KCNB2: variants seen among roughly 807,000 people sequenced by gnomAD.
KCNB2 encodes delayed rectifier potassium channel protein.
Under a neutral mutation model 61.5 loss-of-function variants are expected in KCNB2, and 15 were observed. The observed-to-expected ratio is 0.24, with a 90% CI of 0.16 to 0.38. The LOEUF (loss-of-function observed/expected upper bound fraction) is 0.38, where lower values mean the gene tolerates loss of function less well. Among genes scored for constraint, KCNB2 ranks in the 10% least tolerant of loss-of-function variants. KCNB2 has a pLI of 1.00. For synonymous variants in KCNB2, 457 were observed against 446.0 expected, an observed-to-expected ratio of 1.02 and a Z score of -0.31; for missense variants, 828 against 1,125.2, an observed-to-expected ratio of 0.74 and a Z score of 3.78.
intron 2 of KCNB2, among the ~76,000 whole-genome samples, chr8:72,712,982 G>A (rs901516898): frequency 3.9e-5 from 6 of 152,334 alleles, no homozygotes; most frequent in Non-Finnish European, 7.3e-5. Context: ...CAATTCCAAC[G>A]GGCTTAACAA....
At chr8:72,629,405 CTT>C (rs1443160982) in intron 2 of KCNB2, among the ~76,000 whole-genome samples, 1 of 152,284 alleles carries the variant, frequency 6.6e-6, no homozygotes, top group East Asian at 1.9e-4. Flanking sequence ...CTCATTCTAT[CTT>C]TGTTTTACAC....
chr8:72,803,080 T>G (rs1563389751), intron 2 of KCNB2, among the ~76,000 whole-genome samples: 2 of 152,144 alleles, frequency 1.3e-5, no homozygotes, highest in Non-Finnish European at 2.9e-5. Flanking sequence ...CAACTGTAGC[T>G]CTGTGTCCAT....
intron 2 of KCNB2, among the ~76,000 whole-genome samples, chr8:72,670,992 A>G (rs910739992): frequency 6.6e-6 from 1 of 152,200 alleles, no homozygotes. Flanking sequence ...TGCCTCTCCC[A>G]TAGTGCTCAT....
intron 2 of KCNB2, among the ~76,000 whole-genome samples, chr8:72,851,432 G>A (rs981477993): frequency 5.3e-5 from 8 of 152,112 alleles, no homozygotes; most frequent in African/African-American, 1.7e-4. Flanking sequence ...ATAATTTGAG[G>A]TTCAAAATGA....
intron 2 of KCNB2, among the ~76,000 whole-genome samples, chr8:72,660,366 A>T (rs1264146737): frequency 6.6e-6 from 1 of 152,182 alleles, no homozygotes; most frequent in African/African-American, 2.4e-5. Context: ...GAGAGTCCTT[A>T]CCCCATCAGG....
At chr8:72,845,990 A>G (rs931425444) in intron 2 of KCNB2, among the ~76,000 whole-genome samples, 52 of 150,062 alleles carry the variant, frequency 3.5e-4, no homozygotes, top group African/African-American at 1.2e-3. Context: ...TGGGGTATGA[A>G]AAAAAAAAAA....
intron 2 of KCNB2, among the ~76,000 whole-genome samples, chr8:72,863,355 G>T (rs533002515): frequency 6.6e-6 from 1 of 152,214 alleles, no homozygotes; most frequent in South Asian, 2.1e-4. Context: ...CACAGCTTGA[G>T]CCTATCAAAA....
intron 2 of KCNB2, among the ~76,000 whole-genome samples, chr8:72,615,027 G>T (rs1040431586): frequency 1.3e-5 from 2 of 152,286 alleles, no homozygotes; most frequent in Admixed American, 1.3e-4. Flanking sequence ...CATGAGGAGA[G>T]CCAAACCTCC....
intron 2 of KCNB2, among the ~76,000 whole-genome samples, chr8:72,631,545 C>T (rs1400178770): frequency 6.6e-6 from 1 of 152,180 alleles, no homozygotes. Flanking sequence ...CTAATGACCT[C>T]ATTTTAGCTT....
At chr8:72,637,123 C>G (rs1217481654) in intron 2 of KCNB2, among the ~76,000 whole-genome samples, 2 of 152,058 alleles carry the variant, frequency 1.3e-5, no homozygotes, top group African/African-American at 4.8e-5. Context: ...GAGGCTAAAG[C>G]CCCCCTGCCA....
At chr8:72,748,611 TG>T (rs144513732) in intron 2 of KCNB2, among the ~76,000 whole-genome samples, 67,389 of 141,048 alleles carry the variant, frequency 0.48, 16,286 homozygotes, top group Middle Eastern at 0.59. Flanking sequence ...TTTTTTTTGT[TG>T]TTTTTTTTTT....
chr8:72,815,777 A>G (rs967525213), intron 2 of KCNB2, among the ~76,000 whole-genome samples: 3 of 152,126 alleles, frequency 2.0e-5, no homozygotes, highest in Non-Finnish European at 4.4e-5. Flanking sequence ...AGAGAGAATG[A>G]GAAGACCAAT....
In KCNB2 at chr8:72,826,785, G is replaced by A. The variant is rs558816284; in HGVS notation, c.580-109150G>A. Among the ~76,000 whole-genome samples the A allele has an allele frequency of 2.6e-5, 4 of 152,278 alleles. No individual in the cohort carries two copies. The South Asian group carries it at 8.3e-4, about 32-fold the overall frequency. On this transcript the variant is annotated intron_variant, in intron 2 of 2. Transcript: ENST00000523207. ...AATTTCTTCACTAGTCAGTAATTTT[G>A]AACACAAAGGATTAAAATCCAAAGC...
At chr8:72,613,724 C>T (rs1805575218) in intron 2 of KCNB2, among the ~76,000 whole-genome samples, 1 of 152,170 alleles carries the variant, frequency 6.6e-6, no homozygotes, top group Admixed American at 6.5e-5. Context: ...CCATTGTAAA[C>T]CCCTGATGTG....
chr8:72,898,451 G>GAAA (rs373942673), intron 2 of KCNB2, among the ~76,000 whole-genome samples: 2 of 149,378 alleles, frequency 1.3e-5, no homozygotes, highest in African/African-American at 4.9e-5. Context: ...TTTAAAAAAA[G>GAAA]AAAAAAAAAC....
At chr8:72,892,776 A>G (rs1805919769) in intron 2 of KCNB2, among the ~76,000 whole-genome samples, 1 of 152,144 alleles carries the variant, frequency 6.6e-6, no homozygotes, top group Non-Finnish European at 1.5e-5. Context: ...TAAATCCTCT[A>G]TGAAAACTGT....
chr8:72,777,252 T>C (rs1445026551), intron 2 of KCNB2, among the ~76,000 whole-genome samples: 1 of 152,208 alleles, frequency 6.6e-6, no homozygotes, highest in African/African-American at 2.4e-5. Context: ...TTTGTTGTGA[T>C]CTTAGCCTTG....
At chr8:72,916,624 T>G (rs1806406322) in intron 2 of KCNB2, among the ~76,000 whole-genome samples, 1 of 152,194 alleles carries the variant, frequency 6.6e-6, no homozygotes, top group South Asian at 2.1e-4. Context: ...GCATCTGCAC[T>G]CCTGGCACCC....
At chr8:72,805,179 T>C (rs570642997) in intron 2 of KCNB2, among the ~76,000 whole-genome samples, 6 of 152,140 alleles carry the variant, frequency 3.9e-5, no homozygotes, top group African/African-American at 1.4e-4. Flanking sequence ...ACTGTTATCA[T>C]TGCCATTAAT....
Sources: gnomAD v4.1 joint callset for allele counts (sites outside exome capture counted in the v4.1 genomes callset) on GRCh38, gnomAD v4.1.1 for gene constraint, MANE v1.5 for transcripts, NCBI Gene and HGNC (gene_info 2026-07-23, HGNC 2026-07-21) for gene names.